The following NRXN1 variants were observed in gnomAD, a reference collection of about 807,000 sequenced individuals.
The protein encoded by NRXN1 is neurexin-1.
A neutral mutation model predicts 150.9 loss-of-function variants in NRXN1; 39 were observed. The ratio of observed to expected loss-of-function variants is 0.26; its 90% CI spans 0.20 to 0.34. NRXN1 has a LOEUF of 0.34. Ranked by LOEUF, NRXN1 falls within the 10% of genes least tolerant of loss-of-function variation. The probability of loss-of-function intolerance (pLI) is 1.00; values close to 1 mark genes in which losing one functional copy is unlikely to be tolerated. For synonymous variants in NRXN1, 924 were observed against 757.0 expected (o/e 1.22, Z -3.62); for missense variants, 1,815 against 1,949.9 (o/e 0.93, Z 1.30).
chr2:50,161,603 G>A (rs2059369195), intron 18 of NRXN1, among the ~76,000 whole-genome samples: 1 of 152,134 alleles, frequency 6.6e-6, no homozygotes, highest in Non-Finnish European at 1.5e-5. Context: ...TTCCCTTTTG[G>A]TGAAACTTGT....
intron 18 of NRXN1, chr2:50,175,159 C>T (rs899496092): frequency 6.6e-6 from 1 of 152,076 alleles, no homozygotes; most frequent in East Asian, 1.9e-4. Context: ...TCACAATGGC[C>T]GAAGAACCAA....
chr2:50,865,379 GTGTGTGTCTC>G (rs923564641), intron 5 of NRXN1, among the ~76,000 whole-genome samples: 8 of 151,838 alleles, frequency 5.3e-5, no homozygotes, highest in Non-Finnish European at 1.2e-4. Context: ...CCTAAAATTA[GTGTGTGTCTC>G]TGTGTGTTAA....
chr2:50,520,005 AG>A (rs1193667141), intron 12 of NRXN1, among the ~76,000 whole-genome samples: 1 of 151,988 alleles, frequency 6.6e-6, no homozygotes, highest in Non-Finnish European at 1.5e-5. Flanking sequence ...CTAAAATTAG[AG>A]AACGGGGTGC....
intron 22 of NRXN1, among the ~76,000 whole-genome samples, chr2:49,942,685 C>CT (rs954947596): frequency 1.9e-4 from 29 of 152,022 alleles, no homozygotes; most frequent in African/African-American, 6.5e-4. Context: ...TCTTGGCTGA[C>CT]TGCAACCTCT....
intron 17 of NRXN1, among the ~76,000 whole-genome samples, chr2:50,421,207 G>A (rs543037298): frequency 5.3e-5 from 8 of 151,936 alleles, no homozygotes; most frequent in East Asian, 3.9e-4. Context: ...GTTCAATATT[G>A]TGCTTGTTTT....
intron 2 of NRXN1, among the ~76,000 whole-genome samples, chr2:50,976,078 G>C (rs757387566): frequency 1.3e-5 from 2 of 151,978 alleles, no homozygotes; most frequent in African/African-American, 2.4e-5. Flanking sequence ...AATAATGCCT[G>C]TGTGCCCTGT....
chr2:50,028,083 T>C (rs1444749409), intron 21 of NRXN1, among the ~76,000 whole-genome samples: 1 of 152,174 alleles, frequency 6.6e-6, no homozygotes, highest in Non-Finnish European at 1.5e-5. Context: ...AAAAAAACTT[T>C]TGGCATATTT....
intron 5 of NRXN1, among the ~76,000 whole-genome samples, chr2:50,838,065 C>A (rs1672356995): frequency 2.0e-5 from 3 of 152,076 alleles, no homozygotes; most frequent in African/African-American, 4.8e-5. Context: ...TAGCAGAGAA[C>A]AAATGGCTGA....
At chr2:50,286,625 G>C (rs937210784) in intron 17 of NRXN1, among the ~76,000 whole-genome samples, 1 of 152,070 alleles carries the variant, frequency 6.6e-6, no homozygotes, top group Admixed American at 6.6e-5. Context: ...TGAAGAGGTA[G>C]AATGATAAAC....
chr2:50,635,165 C>CTT (rs200301567), intron 5 of NRXN1, among the ~76,000 whole-genome samples: 152 of 146,794 alleles, frequency 1.0e-3, no homozygotes, highest in Non-Finnish European at 2.0e-3. Flanking sequence ...TTAAATTCTT[C>CTT]TTTTTTTTTT....
At chr2:50,590,887 T>C (rs879567271) in intron 8 of NRXN1, among the ~76,000 whole-genome samples, 8 of 152,160 alleles carry the variant, frequency 5.3e-5, no homozygotes, top group Admixed American at 5.2e-4. Flanking sequence ...GACTAAGATC[T>C]CAACATACTC....
intron 5 of NRXN1, among the ~76,000 whole-genome samples, chr2:50,676,534 T>C (rs1403644288): frequency 1.3e-5 from 2 of 152,150 alleles, no homozygotes; most frequent in East Asian, 1.9e-4. Context: ...TTCTTGTCTG[T>C]ACAATGTAAT....
At chr2:50,546,765 T>C (rs1350722735) in intron 9 of NRXN1, among the ~76,000 whole-genome samples, 1 of 152,102 alleles carries the variant, frequency 6.6e-6, no homozygotes, top group Admixed American at 6.5e-5. Context: ...ACTAGTAAAT[T>C]ATTGGTAAGG....
intron 8 of NRXN1, among the ~76,000 whole-genome samples, chr2:50,567,636 A>G (rs1670071488): frequency 6.6e-6 from 1 of 152,190 alleles, no homozygotes; most frequent in African/African-American, 2.4e-5. Flanking sequence ...CCTGCAATAC[A>G]ATATTATTCT....
rs992400124 is a variant in NRXN1, at chr2:49,920,198, G to C, written c.*1746C>G. ...TAAAACTATATTTAATGATATATAT[G>C]TAAAACCAGAAAAGTTAAAACATAG... On this transcript the variant is annotated 3_prime_UTR_variant, in exon 23 of 23. Transcript: ENST00000401669. The C allele has an allele frequency of 6.6e-6, 1 of 152,012 alleles. No individual in the cohort carries two copies. Among genetic ancestry groups the C allele is most frequent in the South Asian group, 2.1e-4 (1 of 4,826 alleles). The allele number at this position is 152,012 out of a possible 1,614,324, so 9.4% of individuals were successfully genotyped here.
At chr2:50,882,163 G>A (rs983599999) in intron 5 of NRXN1, among the ~76,000 whole-genome samples, 2 of 151,762 alleles carry the variant, frequency 1.3e-5, no homozygotes, top group Admixed American at 1.3e-4. Context: ...AGGTTACATT[G>A]CCTAACATTT....
At chr2:50,345,065 A>G (rs2077847404) in intron 17 of NRXN1, among the ~76,000 whole-genome samples, 1 of 152,196 alleles carries the variant, frequency 6.6e-6, no homozygotes. Context: ...AGATCACCAG[A>G]AACTCCTTAT....
intron 18 of NRXN1, among the ~76,000 whole-genome samples, chr2:50,146,988 T>C (rs1174707130): frequency 6.6e-6 from 1 of 151,734 alleles, no homozygotes; most frequent in Admixed American, 6.6e-5. Flanking sequence ...AGACCCTACA[T>C]AAATAATTCC....
At chr2:50,462,649 G>A (rs2104621818) in intron 17 of NRXN1, among the ~76,000 whole-genome samples, 1 of 151,802 alleles carries the variant, frequency 6.6e-6, no homozygotes, top group African/African-American at 2.4e-5. Context: ...CACTTAGATG[G>A]CAATTTTCCG....
Sources: gnomAD v4.1 joint callset for allele counts (sites outside exome capture counted in the v4.1 genomes callset) on GRCh38, gnomAD v4.1.1 for gene constraint, MANE v1.5 for transcripts, NCBI Gene and HGNC (gene_info 2026-07-23, HGNC 2026-07-21) for gene names.